PRELID2: variants seen among roughly 807,000 people sequenced by gnomAD.
PRELID2 encodes PRELI domain containing 2.
In PRELID2, 25 loss-of-function variants were observed where a neutral mutation model predicts 28.4. The ratio of observed to expected loss-of-function variants is 0.88; its 90% confidence interval spans 0.64 to 1.23. The LOEUF is 1.23. PRELID2 is among the 50% of genes most tolerant of loss of function. PRELID2 has a pLI of 0.00. For synonymous variants in PRELID2, 76 were observed against 71.6 expected (o/e 1.06, Z -0.31); for missense variants, 201 against 214.4 (o/e 0.94, Z 0.39).
intron 1 of PRELID2, among the ~76,000 whole-genome samples, chr5:145,666,503 T>G (rs942110927): frequency 6.6e-6 from 1 of 152,048 alleles, no homozygotes; most frequent in African/African-American, 2.4e-5. Context: ...CAATAACAAC[T>G]GTACATACAC....
chr5:145,550,168 A>T (rs1023282826), intron 1 of PRELID2, among the ~76,000 whole-genome samples: 15 of 152,202 alleles, frequency 9.9e-5, no homozygotes, highest in African/African-American at 3.6e-4. Context: ...AGGGGATGAG[A>T]ATGAACCCTG....
At chr5:145,362,922 T>C in the PRELID2 span, among the ~76,000 whole-genome samples, 1 of 152,014 alleles carries the variant, frequency 6.6e-6, no homozygotes, top group Non-Finnish European at 1.5e-5. Context: ...TCATATCTGT[T>C]TTGACACCAC....
intron 1 of PRELID2, among the ~76,000 whole-genome samples, chr5:145,640,393 G>A (rs1327485526): frequency 2.0e-5 from 3 of 150,880 alleles, no homozygotes; most frequent in Non-Finnish European, 2.9e-5. Flanking sequence ...GGAGAATGGC[G>A]TGAACCCGGG....
chr5:145,629,004 C>T (rs749271647), intron 1 of PRELID2, among the ~76,000 whole-genome samples: 3 of 152,174 alleles, frequency 2.0e-5, no homozygotes, highest in African/African-American at 4.8e-5. Context: ...AAATTTGCTT[C>T]GCCTGAGCTG....
intron 1 of PRELID2, among the ~76,000 whole-genome samples, chr5:145,560,292 T>C (rs1284128954): frequency 1.3e-5 from 2 of 152,206 alleles, no homozygotes; most frequent in Non-Finnish European, 2.9e-5. Flanking sequence ...TTCTCCCCTC[T>C]TTCTCAACCA....
In PRELID2 at chr5:145,818,133, G is replaced by C. The variant is rs1754503692; in HGVS notation, c.208-79C>G. 6.2e-6 allele frequency: 9 copies of C among 1,458,004 alleles called. No individual in the cohort carries two copies. The East Asian group carries it at 2.2e-4, about 35-fold the overall frequency. 90.3% of individuals were successfully genotyped at this position (1,458,004 alleles called of 1,614,324 possible). On this transcript the variant is annotated intron_variant, in intron 3 of 6. Transcript: ENST00000683046. ...ATGACTGCATCCAGAGTTACTCTCAGTCTTGGATAACCAAGAGGACAAGTA... is the reference window on the plus strand; with the variant it reads ...ATGACTGCATCCAGAGTTACTCTCACTCTTGGATAACCAAGAGGACAAGTA...
the PRELID2 span, among the ~76,000 whole-genome samples, chr5:145,353,393 C>A: frequency 6.6e-6 from 1 of 151,742 alleles, no homozygotes; most frequent in East Asian, 1.9e-4. Context: ...AACCCAGGAG[C>A]CAGAGGTTGC....
rs1756685500 is a variant in PRELID2 at position 145,740,887 on chromosome 5, TATATTTATCGATAAATATATATGTAC to T, written n.70+24018_70+24043del. ...ATTTATCGATAAATATATATGTACATATATTTATCGATAAATATATATGTACATATATTTATCGATAAATATATATG... is the reference window on the plus strand; with the variant it reads ...ATTTATCGATAAATATATATGTACATATATATTTATCGATAAATATATATG... On this transcript the variant is annotated intron_variant and non_coding_transcript_variant, in intron 1 of 2. Coordinates refer to the PRELID2 transcript ENST00000510259. Among the ~76,000 whole-genome samples the T allele has an allele frequency of 6.6e-5, 7 of 105,324 alleles. 1 individual carries two copies. Among genetic ancestry groups the T allele is most frequent in the Non-Finnish European group, 1.2e-4 (7 of 57,356 alleles). The allele number at this position is 105,324 out of a possible 152,430, so 69.1% of individuals were successfully genotyped here.
At chr5:145,523,933 A>G (rs1342370811) in intron 1 of PRELID2, among the ~76,000 whole-genome samples, 1 of 152,170 alleles carries the variant, frequency 6.6e-6, no homozygotes, top group African/African-American at 2.4e-5. Flanking sequence ...TTGAAAAACA[A>G]AAGTTTTTCT....
intron 1 of PRELID2, among the ~76,000 whole-genome samples, chr5:145,637,880 G>A (rs1230154355): frequency 3.4e-5 from 5 of 148,132 alleles, no homozygotes; most frequent in Admixed American, 6.8e-5. Context: ...GCACGATCTC[G>A]GCTCACTGCA....
the PRELID2 span, among the ~76,000 whole-genome samples, chr5:145,430,365 A>G: frequency 6.6e-6 from 1 of 152,176 alleles, no homozygotes; most frequent in Non-Finnish European, 1.5e-5. Flanking sequence ...TTTCTTGCTC[A>G]TGGTACACAA....
At chr5:145,728,609 C>T (rs749790290) in intron 1 of PRELID2, 3 of 1,004,016 alleles carry the variant, frequency 3.0e-6, no homozygotes, top group Non-Finnish European at 4.7e-6. Context: ...AAACAATGAC[C>T]ACTGTAACAT....
chr5:145,815,939 G>A (rs1488623868), intron 4 of PRELID2, among the ~76,000 whole-genome samples: 1 of 151,958 alleles, frequency 6.6e-6, no homozygotes, highest in African/African-American at 2.4e-5. Context: ...TGGGTCAAGT[G>A]GTAATTCTAC....
At chr5:145,577,854 CT>C (rs1400608397) in intron 1 of PRELID2, among the ~76,000 whole-genome samples, 1 of 152,140 alleles carries the variant, frequency 6.6e-6, no homozygotes, top group Non-Finnish European at 1.5e-5. Flanking sequence ...ATCATATGTA[CT>C]TTTTGCTTAT....
chr5:145,406,669 A>T, the PRELID2 span, among the ~76,000 whole-genome samples: 1 of 152,242 alleles, frequency 6.6e-6, no homozygotes, highest in African/African-American at 2.4e-5. Flanking sequence ...AGAACATACC[A>T]GGAAAACCAA....
chr5:145,685,045 A>G lies in PRELID2; in HGVS notation n.70+79886T>C, dbSNP rs555421517. 2.0e-5 allele frequency among the ~76,000 whole-genome samples: 3 copies of G among 152,218 alleles called. No homozygotes were observed. In the East Asian group the frequency reaches 5.8e-4, roughly 29 times the overall value. On this transcript the variant is annotated intron_variant and non_coding_transcript_variant, in intron 1 of 2. Coordinates refer to the PRELID2 transcript ENST00000510259. The stretch of plus-strand genomic sequence containing the variant: ...TTAATCATCAAGTCTTGTTGCTTCT[A>G]CTTCCAAAATATTTCTGCCATTCTT...
Position 145,812,714 on chromosome 5 carries a change from C to T in PRELID2, c.368+5180G>A, listed in dbSNP as rs140150334. On this transcript the variant is annotated intron_variant, in intron 4 of 6. Transcript: ENST00000683046. ...TACAGGAGGAGGGATAAAGTAAGTA[C>T]AGGAGGGCTTCCCTGAGGCATGGAG... Among the ~76,000 whole-genome samples, 722 of 152,318 alleles carry T rather than the reference C, an allele frequency of 4.7e-3. 8 individuals are homozygous for T. Among genetic ancestry groups the T allele is most frequent in the African/African-American group, 0.015 (612 of 41,568 alleles).
At chr5:145,559,759 AAGC>A (rs1275064861) in intron 1 of PRELID2, among the ~76,000 whole-genome samples, 1 of 151,984 alleles carries the variant, frequency 6.6e-6, no homozygotes, top group African/African-American at 2.4e-5. Flanking sequence ...CCCAAAAACC[AAGC>A]AGTCAATGTG....
At chr5:145,381,142 G>T in the PRELID2 span, among the ~76,000 whole-genome samples, 1 of 152,248 alleles carries the variant, frequency 6.6e-6, no homozygotes, top group South Asian at 2.1e-4. Context: ...ATTAAACACA[G>T]ACAAAGTTAA....
Sources: gnomAD v4.1 joint callset for allele counts (sites outside exome capture counted in the v4.1 genomes callset) on GRCh38, gnomAD v4.1.1 for gene constraint, MANE v1.5 for transcripts, NCBI Gene and HGNC (gene_info 2026-07-23, HGNC 2026-07-21) for gene names.